Variants in ZNF608 observed in about 807,000 individuals in gnomAD.
ZNF608 encodes zinc finger protein 608, also known as renal carcinoma antigen NY-REN-36.
ZNF608 carries 12 observed loss-of-function variants against 109.0 expected under a neutral mutation model. The ratio of observed to expected loss-of-function variants is 0.11; its 90% CI spans 0.07 to 0.18. The LOEUF (loss-of-function observed/expected upper bound fraction) is 0.18, where lower values mean the gene tolerates loss of function less well. Among genes scored for constraint, ZNF608 ranks in the 10% least tolerant of loss-of-function variants. The pLI is 1.00. For synonymous variants in ZNF608, 732 were observed against 717.4 expected (o/e 1.02, Z -0.33); for missense variants, 1,707 against 1,879.3 (o/e 0.91, Z 1.70).
intron 3 of ZNF608, among the ~76,000 whole-genome samples, chr5:124,651,444 T>C (rs1750768921): frequency 6.6e-6 from 1 of 152,252 alleles, no homozygotes; most frequent in Non-Finnish European, 1.5e-5. Context: ...GCATGTCAGC[T>C]ATATTTACAG....
At chr5:124,743,518 A>G (rs1239505163) in intron 2 of ZNF608, among the ~76,000 whole-genome samples, 1 of 152,182 alleles carries the variant, frequency 6.6e-6, no homozygotes, top group Non-Finnish European at 1.5e-5. Context: ...TCATTCAAGG[A>G]TATCCTTTCA....
At chr5:124,694,677 T>G (rs1752771885) in intron 3 of ZNF608, among the ~76,000 whole-genome samples, 1 of 151,938 alleles carries the variant, frequency 6.6e-6, no homozygotes, top group South Asian at 2.1e-4. Context: ...ACCCATTAAC[T>G]CGTCATTTAC....
At chr5:124,715,737 T>C (rs529848021) in intron 2 of ZNF608, among the ~76,000 whole-genome samples, 5 of 152,230 alleles carry the variant, frequency 3.3e-5, no homozygotes, top group Non-Finnish European at 7.3e-5. Flanking sequence ...ATGTTATCAT[T>C]ATTTTTATTT....
chr5:124,669,834 A>T (rs1209249882), intron 3 of ZNF608, among the ~76,000 whole-genome samples: 1 of 152,244 alleles, frequency 6.6e-6, no homozygotes, highest in Non-Finnish European at 1.5e-5. Flanking sequence ...GGTGATTCTT[A>T]TCAGAGCCAC....
intron 8 of ZNF608, among the ~76,000 whole-genome samples, chr5:124,640,150 C>G (rs1218613093): frequency 6.6e-6 from 1 of 152,110 alleles, no homozygotes; most frequent in Non-Finnish European, 1.5e-5. Context: ...ATATCACTTC[C>G]CAGTTTTGGA....
At chr5:124,640,278 T>G (rs1231993587) in intron 8 of ZNF608, among the ~76,000 whole-genome samples, 1 of 152,186 alleles carries the variant, frequency 6.6e-6, no homozygotes, top group African/African-American at 2.4e-5. Flanking sequence ...TAATCCACAA[T>G]GTGATTAGAT....
At chr5:124,645,686 G>A (rs904621567) in intron 5 of ZNF608, among the ~76,000 whole-genome samples, 11 of 152,050 alleles carry the variant, frequency 7.2e-5, no homozygotes, top group African/African-American at 9.7e-5. Context: ...TTGTGGTTTC[G>A]TGGTGACCAA....
intron 2 of ZNF608, among the ~76,000 whole-genome samples, chr5:124,741,939 G>C (rs1749427732): frequency 6.6e-6 from 1 of 152,082 alleles, no homozygotes; most frequent in South Asian, 2.1e-4. Flanking sequence ...GCCTTTGAGG[G>C]GCCCCTGTGC....
At chr5:124,694,196 G>A (rs1239279224) in intron 3 of ZNF608, among the ~76,000 whole-genome samples, 7 of 120,138 alleles carry the variant, frequency 5.8e-5, no homozygotes, top group South Asian at 2.8e-4. Context: ...GGGTTTCACC[G>A]TGTTAGCCAG....
chr5:124,724,577 T>C (rs150425452), intron 2 of ZNF608, among the ~76,000 whole-genome samples: 239 of 152,100 alleles, frequency 1.6e-3, no homozygotes, highest in Non-Finnish European at 2.9e-3. Flanking sequence ...TTTGTAACTT[T>C]AGTAAACATC....
At position 124,649,698 on chromosome 5, in the gene ZNF608, C is replaced by A; in HGVS notation, c.1163-1G>T. ...CACGTGACATTGACCACTAGGACAC[C>A]TGCAGGAGGCAGGGGATGAAAAAGG... On this transcript the variant is annotated splice_acceptor_variant, in intron 3 of 9. Coordinates refer to ENST00000513986, the MANE Select transcript of ZNF608 (RefSeq NM_020747.3). LOFTEE classifies it high-confidence loss of function. The A allele has an allele frequency of 6.3e-7, 1 of 1,580,498 alleles. No individual in the cohort carries two copies. Among genetic ancestry groups the A allele is most frequent in the Non-Finnish European group, 8.6e-7 (1 of 1,157,862 alleles).
intron 3 of ZNF608, among the ~76,000 whole-genome samples, chr5:124,700,361 A>G (rs1316161199): frequency 6.6e-6 from 1 of 152,276 alleles, no homozygotes; most frequent in Non-Finnish European, 1.5e-5. Context: ...TCCAATAGCA[A>G]TGATAGATTA....
chr5:124,638,548 T>C (rs1750086791), intron 9 of ZNF608, among the ~76,000 whole-genome samples: 1 of 152,230 alleles, frequency 6.6e-6, no homozygotes, highest in Non-Finnish European at 1.5e-5. Context: ...TGGGCCATCA[T>C]GCCCAGCCTC....
chr5:124,707,167 C>T (rs1330773878), intron 2 of ZNF608, among the ~76,000 whole-genome samples: 1 of 152,194 alleles, frequency 6.6e-6, no homozygotes, highest in Non-Finnish European at 1.5e-5. Context: ...GTCAGTGATG[C>T]TTTCAGTACC....
At chr5:124,671,399 G>A (rs1751709051) in intron 3 of ZNF608, among the ~76,000 whole-genome samples, 1 of 152,034 alleles carries the variant, frequency 6.6e-6, no homozygotes. Flanking sequence ...TATCCGAAAG[G>A]TCATTTGAAA....
rs557360109 is a variant in ZNF608, at chr5:124,727,736, T to G, written c.906+16348A>C. Among the ~76,000 whole-genome samples, 5 of 127,470 alleles carry G rather than the reference T, an allele frequency of 3.9e-5. No homozygotes were observed. In the South Asian group the frequency reaches 1.5e-3, roughly 37 times the overall value. 83.6% of individuals were successfully genotyped at this position (127,470 alleles called of 152,430 possible). A position where few individuals can be genotyped will look rare whatever the true frequency, so the allele number is the denominator to read the frequency against. On this transcript the variant is annotated intron_variant, in intron 2 of 9. Coordinates refer to ENST00000513986, the MANE Select transcript of ZNF608 (RefSeq NM_020747.3). The stretch of plus-strand genomic sequence containing the variant: ...CTTGTTGCCAGCTCCAGGTATCCTT[T>G]TTTTTTTTTTTTTTTTTTTTAAGAC...
upstream of ZNF608, chr5:124,748,443 T>C (rs1445710423): frequency 1.4e-6 from 1 of 708,900 alleles, no homozygotes. Context: ...TGTAACTAGT[T>C]CCTCATTTCT....
chr5:124,741,781 A>C (rs1350180963), intron 2 of ZNF608, among the ~76,000 whole-genome samples: 1 of 152,208 alleles, frequency 6.6e-6, no homozygotes, highest in African/African-American at 2.4e-5. Context: ...CTGTGTGCCA[A>C]GGATGAAAGC....
chr5:124,644,659 G>T lies in ZNF608; in HGVS notation c.3708C>A (p.Asp1236Glu). 6.5e-7 allele frequency: 1 copy of T among 1,529,270 alleles called. No individual in the cohort carries two copies. The highest frequency in any genetic ancestry group is 8.8e-7 in the Non-Finnish European group (1 of 1,140,616). 94.7% of individuals were successfully genotyped at this position (1,529,270 alleles called of 1,614,324 possible). ...AATGATGCCATGTTCTTGAATCTGG[G>T]TCCTGATTTTTTTGTTTTAAAGAAA... ...GVDPTSRFKQ[D>E]PDSRTWHHYV... is the part of the protein sequence containing the mutation. Residue 1236 changes from aspartate to glutamate, a missense_variant and splice_region_variant, in exon 6 of 10, where the codon GAC becomes GAA. Coordinates refer to ENST00000513986, the MANE Select transcript of ZNF608 (RefSeq NM_020747.3).
Sources: allele counts gnomAD v4.1 joint callset (sites outside exome capture counted in the v4.1 genomes callset), GRCh38; gene constraint gnomAD v4.1.1; transcripts MANE v1.5; gene names NCBI Gene and HGNC (gene_info 2026-07-23, HGNC 2026-07-21).